The following FLYWCH2 variants were observed in gnomAD, a reference collection of about 807,000 sequenced individuals.
FLYWCH2 encodes the protein FLYWCH family member 2.
FLYWCH2 carries 2 observed loss-of-function variants against 6.0 expected under a neutral mutation model. That is an observed-to-expected ratio of 0.33 (90% CI 0.14 to 1.04). FLYWCH2 has a LOEUF of 1.04. FLYWCH2 is among the 50% of genes least tolerant of loss of function. The pLI is 0.45. For missense variants in FLYWCH2, 192 were observed against 183.4 expected, an observed-to-expected ratio of 1.05 and a Z score of -0.27; for synonymous variants, 87 against 79.3, an observed-to-expected ratio of 1.10 and a Z score of -0.52.
intron 1 of FLYWCH2, among the ~76,000 whole-genome samples, chr16:2,884,437 C>T (rs2069673230): frequency 1.3e-5 from 2 of 151,366 alleles, no homozygotes; most frequent in African/African-American, 4.9e-5. Context: ...CTTAAAGCAA[C>T]ACAGGCCGGG....
chr16:2,885,603 T>C (rs867889524), intron 1 of FLYWCH2, among the ~76,000 whole-genome samples: 7 of 152,246 alleles, frequency 4.6e-5, no homozygotes, highest in African/African-American at 1.7e-4. Flanking sequence ...GGGTCTGGCT[T>C]CTTTTACCGA....
At chr16:2,899,004 C>T (rs754497244) in intron 3 of FLYWCH2, 45 bp from the exon 4 acceptor site, 2 of 1,523,900 alleles carry the variant, frequency 1.3e-6, no homozygotes, top group East Asian at 2.4e-5. Context: ...GCTGAGCCCT[C>T]CCATCTCCAT....
At chr16:2,894,315 G>A (rs2069792655) in intron 1 of FLYWCH2, among the ~76,000 whole-genome samples, 1 of 152,200 alleles carries the variant, frequency 6.6e-6, no homozygotes, top group African/African-American at 2.4e-5. Flanking sequence ...CACGGCGGGA[G>A]GCGCTAGAGG....
At chr16:2,888,273 G>C (rs1479744065) in intron 1 of FLYWCH2, among the ~76,000 whole-genome samples, 2 of 152,036 alleles carry the variant, frequency 1.3e-5, no homozygotes, top group African/African-American at 4.8e-5. Context: ...GCCTCCCAAA[G>C]TGCTGGGATT....
At chr16:2,889,547 A>T (rs754979666) in intron 1 of FLYWCH2, among the ~76,000 whole-genome samples, 2 of 52,048 alleles carry the variant, frequency 3.8e-5, no homozygotes. Flanking sequence ...AGGAAAGACT[A>T]TATTAAAAAA....
At position 2,894,806 on chromosome 16, in the gene FLYWCH2, G is replaced by T. The variant is rs145773938; in HGVS notation, c.-199-414G>T. ...ACAAGGCCCCCAACCCTGTACTCCA[G>T]TCCTGCATCCTTAGGCCCCTCTCAT... On this transcript the variant is annotated intron_variant, in intron 1 of 3. Coordinates refer to ENST00000396958, the MANE Select transcript of FLYWCH2 (RefSeq NM_138439.3). Among the ~76,000 whole-genome samples, 1,201 of 152,302 alleles carry T rather than the reference G, an allele frequency of 7.9e-3. 21 individuals carry two copies. The highest frequency in any genetic ancestry group is 0.026 in the African/African-American group (1,097 of 41,568).
chr16:2,889,271 C>T (rs1342519274), intron 1 of FLYWCH2, among the ~76,000 whole-genome samples: 4 of 148,376 alleles, frequency 2.7e-5, no homozygotes, highest in Non-Finnish European at 5.9e-5. Context: ...AATACAGTGG[C>T]CCGATCTTGG....
At chr16:2,895,512 G>C (rs2069809161) in intron 2 of FLYWCH2, among the ~76,000 whole-genome samples, 192 bp downstream of exon 2, 1 of 152,240 alleles carries the variant, frequency 6.6e-6, no homozygotes, top group African/African-American at 2.4e-5. Flanking sequence ...TACTCGGAGA[G>C]GTTGAGGCAG....
intron 3 of FLYWCH2, among the ~76,000 whole-genome samples, chr16:2,897,516 C>G (rs575202329): frequency 9.9e-5 from 15 of 152,264 alleles, no homozygotes; most frequent in Middle Eastern, 3.4e-3. Context: ...ATCTTCAGTC[C>G]CTGCTCCCAC....
At chr16:2,890,866 C>G (rs2150846270) in intron 1 of FLYWCH2, among the ~76,000 whole-genome samples, 1 of 152,294 alleles carries the variant, frequency 6.6e-6, no homozygotes, top group South Asian at 2.1e-4. Flanking sequence ...CTCGCCCAGC[C>G]CAGATTGTCA....
chr16:2,885,826 C>A (rs560212719), intron 1 of FLYWCH2, among the ~76,000 whole-genome samples: 1 of 152,194 alleles, frequency 6.6e-6, no homozygotes, highest in African/African-American at 2.4e-5. Flanking sequence ...ATGTGTTTTC[C>A]TTTCTTCCAG....
At chr16:2,889,867 T>A (rs895875663) in intron 1 of FLYWCH2, among the ~76,000 whole-genome samples, 2 of 152,072 alleles carry the variant, frequency 1.3e-5, no homozygotes, top group East Asian at 3.9e-4. Context: ...AGCAAATCTC[T>A]TGAGGTCTGG....
rs1369818435 is a variant in FLYWCH2, at chr16:2,895,219, G to C, written c.-199-1G>C. ...ACAACCCATCCTTTCTGCTTCTCCA[G>C]GCCAGAAGCCAAGGAGTCCTCAGTG... On this transcript the variant is annotated splice_acceptor_variant, in intron 1 of 3. Coordinates refer to ENST00000396958, the MANE Select transcript of FLYWCH2 (RefSeq NM_138439.3). LOFTEE classifies it low-confidence loss of function (5UTR_SPLICE). 1 of 152,310 alleles carries C rather than the reference G, an allele frequency of 6.6e-6. No homozygotes were observed. The highest frequency in any genetic ancestry group is 1.5e-5 in the Non-Finnish European group (1 of 68,184). The allele number at this position is 152,310 out of a possible 1,614,324, so 9.4% of individuals were successfully genotyped here. A position where few individuals can be genotyped will look rare whatever the true frequency, so the allele number is the denominator to read the frequency against.
At chr16:2,892,956 CAT>C (rs1463991616) in intron 1 of FLYWCH2, among the ~76,000 whole-genome samples, 4 of 140,094 alleles carry the variant, frequency 2.9e-5, no homozygotes, top group South Asian at 2.3e-4. Flanking sequence ...GTATATGTGT[CAT>C]ATATCGTATA....
At chr16:2,888,901 T>C (rs1052912206) in intron 1 of FLYWCH2, among the ~76,000 whole-genome samples, 3 of 152,254 alleles carry the variant, frequency 2.0e-5, no homozygotes, top group Admixed American at 2.0e-4. Flanking sequence ...TAAAAAGTCA[T>C]GGAAGCAAAT....
In FLYWCH2 at chr16:2,898,149, G is replaced by T. The variant is rs537721348; in HGVS notation, c.323-900G>T. Among the ~76,000 whole-genome samples the T allele has an allele frequency of 1.4e-4, 21 of 152,260 alleles. No individual in the cohort carries two copies. In the South Asian group the frequency reaches 4.3e-3, roughly 32 times the overall value. ...GGGTCACAGCCCCACAGCCTCCCTG[G>T]GGCTGAGACCCCAGAATGCCTGAGA... is the stretch of plus-strand genomic sequence containing the variant. On this transcript the variant is annotated intron_variant, in intron 3 of 3. Coordinates refer to ENST00000396958, the MANE Select transcript of FLYWCH2 (RefSeq NM_138439.3).
chr16:2,897,413 G>A (rs1243641881), intron 3 of FLYWCH2, among the ~76,000 whole-genome samples: 1 of 152,202 alleles, frequency 6.6e-6, no homozygotes, highest in Non-Finnish European at 1.5e-5. Flanking sequence ...TGGGGGTGTG[G>A]CCCTAGCTGC....
chr16:2,897,597 G>T (rs1227093373), intron 3 of FLYWCH2, among the ~76,000 whole-genome samples: 1 of 152,218 alleles, frequency 6.6e-6, no homozygotes, highest in African/African-American at 2.4e-5. Context: ...ACATAGTCAG[G>T]TGGGCCATGG....
chr16:2,899,272 T>TTC lies in FLYWCH2; in HGVS notation c.*124_*125insCT. ...TAACATTGTGTGATTTCTTTTCTTT[T>TTC]TTTTTTTTTTTTTAGATCAAGTATA... On this transcript the variant is annotated 3_prime_UTR_variant, in exon 4 of 4. Transcript: ENST00000396958. The TTC allele has an allele frequency of 1.8e-6, 1 of 543,220 alleles. No homozygotes were observed. The highest frequency in any genetic ancestry group is 4.0e-5 in the Admixed American group (1 of 25,280). The allele number at this position is 543,220 out of a possible 1,614,324, so 33.6% of individuals were successfully genotyped here. A position where few individuals can be genotyped will look rare whatever the true frequency, so the allele number is the denominator to read the frequency against.
Sources: gnomAD v4.1 joint callset for allele counts (sites outside exome capture counted in the v4.1 genomes callset) on GRCh38, gnomAD v4.1.1 for gene constraint, MANE v1.5 for transcripts, NCBI Gene and HGNC (gene_info 2026-07-23, HGNC 2026-07-21) for gene names.